The following SPOCK3 variants were observed in gnomAD, a reference collection of about 807,000 sequenced individuals.
SPOCK3 encodes the protein testican-3.
Under a neutral mutation model 56.6 loss-of-function variants are expected in SPOCK3, and 30 were observed. The ratio of observed to expected loss-of-function variants is 0.53; its 90% confidence interval spans 0.40 to 0.72. The LOEUF (loss-of-function observed/expected upper bound fraction) is 0.72. Among genes scored for constraint, SPOCK3 ranks in the 30% least tolerant of loss-of-function variants. SPOCK3 has a pLI of 0.00. For missense variants in SPOCK3, 527 were observed against 530.0 expected (o/e 0.99, Z 0.06); for synonymous variants, 196 against 183.3 (o/e 1.07, Z -0.56).
At chr4:166,917,565 T>TA (rs1738000870) in intron 4 of SPOCK3, among the ~76,000 whole-genome samples, 2 of 152,308 alleles carry the variant, frequency 1.3e-5, no homozygotes, top group African/African-American at 4.8e-5. Flanking sequence ...TATTCATTTC[T>TA]AAAAATCTGA....
chr4:167,142,847 T>C (rs1401018057), intron 2 of SPOCK3, among the ~76,000 whole-genome samples: 1 of 151,976 alleles, frequency 6.6e-6, no homozygotes, highest in South Asian at 2.1e-4. Context: ...TTTGATTTAG[T>C]GAAAATATTA....
chr4:167,209,305 C>A (rs975800228), intron 2 of SPOCK3, among the ~76,000 whole-genome samples: 19 of 151,984 alleles, frequency 1.3e-4, no homozygotes, highest in Non-Finnish European at 1.6e-4. Flanking sequence ...TAAATTGAAG[C>A]AAATATGTTT....
intron 2 of SPOCK3, among the ~76,000 whole-genome samples, chr4:167,169,356 C>A (rs1037835250): frequency 6.6e-6 from 1 of 152,202 alleles, no homozygotes; most frequent in Non-Finnish European, 1.5e-5. Context: ...AGGGATGGAG[C>A]TGTCCAAGTC....
At chr4:167,121,011 T>C (rs1761824018) in intron 2 of SPOCK3, among the ~76,000 whole-genome samples, 1 of 151,718 alleles carries the variant, frequency 6.6e-6, no homozygotes, top group Admixed American at 6.6e-5. Flanking sequence ...TAGTACTCCT[T>C]ATCATTCAGT....
chr4:167,034,862 A>G (rs1242821271), intron 3 of SPOCK3, among the ~76,000 whole-genome samples: 1 of 152,150 alleles, frequency 6.6e-6, no homozygotes, highest in African/African-American at 2.4e-5. Flanking sequence ...TATAAAAGTA[A>G]TTTATCTCCA....
At chr4:167,122,551 G>A (rs1761956813) in intron 2 of SPOCK3, among the ~76,000 whole-genome samples, 1 of 152,172 alleles carries the variant, frequency 6.6e-6, no homozygotes, top group African/African-American at 2.4e-5. Context: ...CAGTGAACAT[G>A]ATACAACTAG....
chr4:166,808,806 C>T (rs1433200216), intron 6 of SPOCK3, among the ~76,000 whole-genome samples: 1 of 151,984 alleles, frequency 6.6e-6, no homozygotes, highest in Admixed American at 6.6e-5. Context: ...TCTATAAAGT[C>T]CTCATCTACA....
chr4:166,812,354 G>A (rs1355080159), intron 6 of SPOCK3, among the ~76,000 whole-genome samples: 1 of 151,508 alleles, frequency 6.6e-6, no homozygotes, highest in Non-Finnish European at 1.5e-5. Flanking sequence ...AACTATAATC[G>A]GGCTTATATG....
At chr4:166,874,173 G>T (rs1732821325) in intron 6 of SPOCK3, among the ~76,000 whole-genome samples, 1 of 152,068 alleles carries the variant, frequency 6.6e-6, no homozygotes. Flanking sequence ...TTATAAGGAT[G>T]GGGGTTACCT....
At chr4:167,193,012 G>A (rs946824397) in intron 2 of SPOCK3, among the ~76,000 whole-genome samples, 2 of 145,850 alleles carry the variant, frequency 1.4e-5, no homozygotes, top group Non-Finnish European at 1.5e-5. Flanking sequence ...TTGACCCAAC[G>A]TATGATCTAT....
intron 4 of SPOCK3, among the ~76,000 whole-genome samples, chr4:166,952,340 C>G (rs1164865017): frequency 1.3e-5 from 2 of 152,218 alleles, no homozygotes; most frequent in East Asian, 3.9e-4. Flanking sequence ...ACAATTGCTT[C>G]AAAGTGAATA....
chr4:166,970,446 G>A (rs939067384), intron 4 of SPOCK3, among the ~76,000 whole-genome samples: 12 of 152,202 alleles, frequency 7.9e-5, no homozygotes, highest in Non-Finnish European at 1.6e-4. Flanking sequence ...CAGAGTGGCT[G>A]GTAGCGGTGG....
At chr4:167,081,713 C>T (rs1356089649) in intron 2 of SPOCK3, among the ~76,000 whole-genome samples, 1 of 151,782 alleles carries the variant, frequency 6.6e-6, no homozygotes, top group Non-Finnish European at 1.5e-5. Flanking sequence ...AAGAGAGAGG[C>T]AAGGAGGGAG....
At chr4:166,795,266 C>A (rs983561167) in intron 6 of SPOCK3, among the ~76,000 whole-genome samples, 11 of 152,074 alleles carry the variant, frequency 7.2e-5, no homozygotes, top group Non-Finnish European at 1.5e-4. Context: ...AAATTAACAT[C>A]TTTTCCTACC....
chr4:166,877,590 C>G (rs1217950173), intron 6 of SPOCK3, among the ~76,000 whole-genome samples: 1 of 152,002 alleles, frequency 6.6e-6, no homozygotes. Context: ...CTCAAAAGAA[C>G]AGTAAGCAGG....
intron 5 of SPOCK3, among the ~76,000 whole-genome samples, chr4:166,897,983 G>T (rs999548211): frequency 2.6e-5 from 4 of 152,016 alleles, no homozygotes; most frequent in African/African-American, 9.7e-5. Context: ...TTGAGGCCAG[G>T]AGTTTGAGAC....
At chr4:166,949,235 T>A (rs1348494153) in intron 4 of SPOCK3, among the ~76,000 whole-genome samples, 1 of 152,182 alleles carries the variant, frequency 6.6e-6, no homozygotes, top group Admixed American at 6.5e-5. Context: ...ATTCTAGTTA[T>A]ACATTCGTCT....
intron 7 of SPOCK3, among the ~76,000 whole-genome samples, chr4:166,779,945 ACAT>A (rs1193415585): frequency 8.5e-5 from 13 of 152,326 alleles, no homozygotes; most frequent in African/African-American, 3.1e-4. Flanking sequence ...GAGTTGAATA[ACAT>A]CATTAAGTGA....
intron 2 of SPOCK3, among the ~76,000 whole-genome samples, chr4:167,081,441 A>T (rs945890334): frequency 6.6e-6 from 1 of 151,872 alleles, no homozygotes; most frequent in African/African-American, 2.4e-5. Context: ...TAGAGAGTCA[A>T]CTCTCCATTC....
Sources: allele counts gnomAD v4.1 joint callset (sites outside exome capture counted in the v4.1 genomes callset), GRCh38; gene constraint gnomAD v4.1.1; transcripts MANE v1.5; gene names NCBI Gene and HGNC (gene_info 2026-07-23, HGNC 2026-07-21).